Variants in PTPRN2 observed in about 807,000 individuals in gnomAD.
The protein encoded by PTPRN2 is receptor-type tyrosine-protein phosphatase N2.
Under a neutral mutation model 118.8 loss-of-function variants are expected in PTPRN2, and 74 were observed. The ratio of observed to expected loss-of-function variants is 0.62; its 90% confidence interval spans 0.52 to 0.76. PTPRN2 has a LOEUF of 0.76. PTPRN2 is among the 30% of genes least tolerant of loss of function. The pLI is 0.00. For missense variants in PTPRN2, 1,481 were observed against 1,394.4 expected (o/e 1.06, Z -0.99); for synonymous variants, 641 against 608.0 (o/e 1.05, Z -0.80).
chr7:157,862,450 T>C (rs1025025304), intron 12 of PTPRN2: 2 of 152,264 alleles, frequency 1.3e-5, no homozygotes, highest in African/African-American at 4.8e-5. Flanking sequence ...GCTTATTTAA[T>C]TGTTGTGCAT....
chr7:158,389,128 C>T (rs1811728247), intron 2 of PTPRN2, among the ~76,000 whole-genome samples: 1 of 152,236 alleles, frequency 6.6e-6, no homozygotes, highest in Non-Finnish European at 1.5e-5. Flanking sequence ...TGAAGGGAAA[C>T]AGGCGTCCGA....
intron 4 of PTPRN2, among the ~76,000 whole-genome samples, chr7:158,197,547 T>G (rs1351930791): frequency 6.6e-6 from 1 of 152,224 alleles, no homozygotes; most frequent in African/African-American, 2.4e-5. Context: ...ATGTTTTTAT[T>G]TCTAGTGCCT....
At chr7:158,488,217 T>C (rs1218148952) in intron 2 of PTPRN2, among the ~76,000 whole-genome samples, 3 of 152,176 alleles carry the variant, frequency 2.0e-5, no homozygotes, top group African/African-American at 7.2e-5. Flanking sequence ...TCGCTATTTT[T>C]CTTAAGGCTG....
At chr7:157,713,325 C>A (rs1798743673) in intron 12 of PTPRN2, among the ~76,000 whole-genome samples, 1 of 152,126 alleles carries the variant, frequency 6.6e-6, no homozygotes, top group Non-Finnish European at 1.5e-5. Context: ...TGAGGAATAG[C>A]CCCACGGCAC....
chr7:158,340,166 C>T (rs377159407), intron 2 of PTPRN2, among the ~76,000 whole-genome samples: 2,621 of 23,270 alleles, frequency 0.11, 3 homozygotes, highest in African/African-American at 0.12. Context: ...CACCATAAGA[C>T]CTGACACTCG....
At chr7:157,659,206 G>C (rs533392252) in intron 13 of PTPRN2, among the ~76,000 whole-genome samples, 25 of 151,484 alleles carry the variant, frequency 1.7e-4, no homozygotes, top group Admixed American at 1.5e-3. Context: ...CTGTGGGAAG[G>C]GGCCCTGCGG....
At chr7:158,479,632 A>G (rs1354313003) in intron 2 of PTPRN2, among the ~76,000 whole-genome samples, 1 of 152,038 alleles carries the variant, frequency 6.6e-6, no homozygotes, top group Non-Finnish European at 1.5e-5. Flanking sequence ...AATGGGTTTG[A>G]AAAACAGATG....
At position 158,219,270 on chromosome 7, in the gene PTPRN2, A is replaced by G. The variant is rs1313276289; in HGVS notation, c.278-13997T>C. Reference sequence around the variant, plus strand: ...AAATAAAAAACAAGAAGATCTCTCAAAACTATCCAGTTACATCAAAATTAA... The same window carrying G: ...AAATAAAAAACAAGAAGATCTCTCAGAACTATCCAGTTACATCAAAATTAA... On this transcript the variant is annotated intron_variant, in intron 3 of 22. Transcript: ENST00000389418. Among the ~76,000 whole-genome samples the G allele has an allele frequency of 2.6e-5, 4 of 152,182 alleles. No individual in the cohort carries two copies. The East Asian group carries it at 7.7e-4, about 29-fold the overall frequency.
At chr7:157,749,770 G>A (rs114008138) in intron 12 of PTPRN2, among the ~76,000 whole-genome samples, 1 of 94,382 alleles carries the variant, frequency 1.1e-5, no homozygotes, top group Admixed American at 1.2e-4. Context: ...TGCGGGGTGT[G>A]TGGGTGATTC....
At chr7:157,662,534 A>G (rs553080158) in intron 13 of PTPRN2, among the ~76,000 whole-genome samples, 1 of 152,166 alleles carries the variant, frequency 6.6e-6, no homozygotes, top group Non-Finnish European at 1.5e-5. Flanking sequence ...GGCCGGGAGG[A>G]GGGGACCCTC....
intron 2 of PTPRN2, among the ~76,000 whole-genome samples, chr7:158,340,136 G>A (rs866024335): frequency 5.6e-3 from 420 of 75,648 alleles, no homozygotes; most frequent in African/African-American, 0.018. Flanking sequence ...ACCTGGAGAC[G>A]TCACTCACAC....
intron 11 of PTPRN2, among the ~76,000 whole-genome samples, chr7:157,999,465 T>C (rs960604848): frequency 6.6e-6 from 1 of 152,192 alleles, no homozygotes; most frequent in African/African-American, 2.4e-5. Context: ...CTGAAGGCTT[T>C]TGTGTTCTCT....
intron 3 of PTPRN2, among the ~76,000 whole-genome samples, chr7:158,256,428 G>A (rs1300821902): frequency 6.6e-6 from 1 of 152,166 alleles, no homozygotes; most frequent in Non-Finnish European, 1.5e-5. Flanking sequence ...ACAAGTGCAG[G>A]GCCATTATTC....
intron 3 of PTPRN2, among the ~76,000 whole-genome samples, chr7:158,213,297 G>A (rs1035682910): frequency 2.0e-5 from 3 of 150,874 alleles, no homozygotes; most frequent in Non-Finnish European, 4.4e-5. Flanking sequence ...ATTCTGGATG[G>A]AATTAAAAGA....
chr7:157,581,828 TGG>T (rs1472511540), intron 17 of PTPRN2, among the ~76,000 whole-genome samples: 1 of 152,178 alleles, frequency 6.6e-6, no homozygotes, highest in Non-Finnish European at 1.5e-5. Context: ...GAGCTGAGGG[TGG>T]GTCCCAATCC....
At chr7:158,131,393 C>T (rs1161667944) in intron 9 of PTPRN2, among the ~76,000 whole-genome samples, 17 of 143,306 alleles carry the variant, frequency 1.2e-4, no homozygotes, top group Admixed American at 8.6e-4. Context: ...CATACACACA[C>T]GTATATACAA....
At chr7:157,637,946 T>C (rs953021906) in intron 14 of PTPRN2, among the ~76,000 whole-genome samples, 1 of 152,268 alleles carries the variant, frequency 6.6e-6, no homozygotes. Flanking sequence ...GAGACATGCA[T>C]GTCTTCTTCC....
intron 1 of PTPRN2, among the ~76,000 whole-genome samples, chr7:158,571,777 T>C (rs373373018): frequency 2.6e-5 from 4 of 152,170 alleles, no homozygotes; most frequent in Non-Finnish European, 2.9e-5. Context: ...ACCAATTTCA[T>C]TGCTGCTGTT....
rs533293213 is a variant in PTPRN2 at position 157,768,181 on chromosome 7, C to T, written c.1789-85244G>A. On this transcript the variant is annotated intron_variant, in intron 12 of 22. Coordinates refer to ENST00000389418, the MANE Select transcript of PTPRN2 (RefSeq NM_002847.5). ...AAAGATTTCACTAACAAGACTGCAA[C>T]CTATATTTGTGGCTATGAATTCCCC... 1.8e-4 allele frequency among the ~76,000 whole-genome samples: 27 copies of T among 152,336 alleles called. No individual in the cohort carries two copies. The South Asian group carries it at 5.6e-3, about 32-fold the overall frequency.
Sources: gnomAD v4.1 joint callset for allele counts (sites outside exome capture counted in the v4.1 genomes callset) on GRCh38, gnomAD v4.1.1 for gene constraint, MANE v1.5 for transcripts, NCBI Gene and HGNC (gene_info 2026-07-23, HGNC 2026-07-21) for gene names.